PSMG2: variants seen among roughly 807,000 people sequenced by gnomAD.
The protein encoded by PSMG2 is proteasome assembly chaperone 2.
In PSMG2, 21 loss-of-function variants were observed where a neutral mutation model predicts 31.5. The observed-to-expected ratio is 0.67, with a 90% CI of 0.47 to 0.96. The LOEUF (loss-of-function observed/expected upper bound fraction) is 0.96. PSMG2 is among the 40% of genes least tolerant of loss of function. The probability of loss-of-function intolerance (pLI) is 0.00; values close to 1 mark genes in which losing one functional copy is unlikely to be tolerated. For synonymous variants in PSMG2, 120 were observed against 110.4 expected (o/e 1.09, Z -0.54); for missense variants, 318 against 321.2 (o/e 0.99, Z 0.08).
intron 6 of PSMG2, among the ~76,000 whole-genome samples, 163 bp from the exon 7 acceptor site, chr18:12,725,276 C>T (rs573750764): frequency 3.6e-4 from 55 of 152,180 alleles, no homozygotes; most frequent in African/African-American, 1.1e-3. Context: ...AATTTATCTT[C>T]AGTTGACATG....
upstream of PSMG2, chr18:12,698,956 G>A (rs528412194): frequency 1.4e-6 from 2 of 1,471,244 alleles, no homozygotes; most frequent in East Asian, 2.3e-5. Flanking sequence ...TCAATTAAAT[G>A]ACAATTTATT....
At chr18:12,714,262 A>G (rs2040356779) in intron 3 of PSMG2, among the ~76,000 whole-genome samples, 1 of 152,174 alleles carries the variant, frequency 6.6e-6, no homozygotes, top group Non-Finnish European at 1.5e-5. Flanking sequence ...CAGCATAACA[A>G]GAGTCATGCT....
chr18:12,720,893 C>T (rs1011878983), intron 5 of PSMG2, among the ~76,000 whole-genome samples: 13 of 152,150 alleles, frequency 8.5e-5, no homozygotes, highest in African/African-American at 2.2e-4. Context: ...AGGCCGGGCA[C>T]GGTGGCTCAC....
chr18:12,661,427 C>A, intron 1 of PSMG2: 1 of 863,300 alleles, frequency 1.2e-6, no homozygotes, highest in Non-Finnish European at 1.4e-6. Context: ...GGAGTTCTAG[C>A]ACCCCTGTGG....
At chr18:12,711,703 C>T (rs886499895) in intron 2 of PSMG2, among the ~76,000 whole-genome samples, 1 of 151,008 alleles carries the variant, frequency 6.6e-6, no homozygotes, top group African/African-American at 2.4e-5. Context: ...AGTAGTAATC[C>T]TGTGTCCTTA....
chr18:12,721,568 T>G (rs913597746), intron 5 of PSMG2, among the ~76,000 whole-genome samples: 1 of 152,212 alleles, frequency 6.6e-6, no homozygotes, highest in Non-Finnish European at 1.5e-5. Flanking sequence ...AAAATTGGTG[T>G]TGATGTTCCC....
At position 12,720,536 on chromosome 18, in the gene PSMG2, C is replaced by A; in HGVS notation, c.434C>A (p.Pro145His). The change falls in exon 5 of 7, where the codon CCT (proline) becomes CAT (histidine). Residue 145 changes from proline to histidine, a missense_variant. Transcript: ENST00000317615. ...RSTPFRYLLTPSMQKSVQNKI... is the reference protein window; with the variant it reads ...RSTPFRYLLTHSMQKSVQNKI... Reference sequence around the variant, plus strand: ...ACTCCCTTCCGGTACCTACTTACACCTTCCATGCAAAAAAGTGTTCAAAAT... The same window carrying A: ...ACTCCCTTCCGGTACCTACTTACACATTCCATGCAAAAAAGTGTTCAAAAT... 6.2e-7 allele frequency: 1 copy of A among 1,610,080 alleles called. No individual in the cohort carries two copies. The highest frequency in any genetic ancestry group is 1.1e-5 in the South Asian group (1 of 90,500).
intron 1 of PSMG2, chr18:12,680,596 CAAAAAAAAA>C (rs34861312): frequency 2.7e-6 from 2 of 752,954 alleles, no homozygotes; most frequent in Non-Finnish European, 3.6e-6. Flanking sequence ...GACTCCATCT[CAAAAAAAAA>C]AAAAAAAAAA....
intron 3 of PSMG2, among the ~76,000 whole-genome samples, chr18:12,713,668 C>A (rs534182890): frequency 1.3e-5 from 2 of 152,310 alleles, no homozygotes; most frequent in Non-Finnish European, 2.9e-5. Context: ...TTGGTTCCAA[C>A]CAATTTCAGC....
intron 3 of PSMG2, among the ~76,000 whole-genome samples, chr18:12,717,720 T>C (rs1243756472): frequency 6.6e-6 from 1 of 152,230 alleles, no homozygotes; most frequent in Non-Finnish European, 1.5e-5. Flanking sequence ...TTAGTTGTTA[T>C]CCTTCAGAGT....
chr18:12,696,645 T>G (rs1048587218), intron 1 of PSMG2, among the ~76,000 whole-genome samples: 3 of 152,188 alleles, frequency 2.0e-5, no homozygotes, highest in Non-Finnish European at 4.4e-5. Context: ...GTTTTCTCAT[T>G]TTATTAGCAA....
chr18:12,679,241 G>C (rs970860272), intron 1 of PSMG2: 1 of 152,236 alleles, frequency 6.6e-6, no homozygotes, highest in African/African-American at 2.4e-5. Flanking sequence ...AGACAGCCAG[G>C]TGGAAAGGGG....
In PSMG2 at chr18:12,725,483, T is replaced by A. The variant is rs765355921; in HGVS notation, c.747T>A (p.Ser249Arg). The change falls in exon 7 of 7, where the codon AGT (serine) becomes AGA (arginine). Residue 249 changes from serine to arginine, a missense_variant. Physicochemically the swap from Ser to Arg is moderately radical, Grantham distance 110. Transcript: ENST00000317615. Reference sequence around the variant, plus strand: ...CTGCCTCACGGTGGAAAATACCAAGTTCTTGGAGATTACTCTTTGGCAGTG... The same window carrying A: ...CTGCCTCACGGTGGAAAATACCAAGATCTTGGAGATTACTCTTTGGCAGTG... ...TVSASRWKIP[S>R]SWRLLFGSGL... 1.2e-6 allele frequency: 2 copies of A among 1,607,610 alleles called. No individual in the cohort carries two copies. Among genetic ancestry groups the A allele is most frequent in the Admixed American group, 1.7e-5 (1 of 59,912 alleles).
At position 12,682,698 on chromosome 18, in the gene PSMG2, G is replaced by A. The variant is rs572178968; in HGVS notation, c.-36-23852G>A. Among the ~76,000 whole-genome samples the A allele has an allele frequency of 5.9e-5, 9 of 151,910 alleles. No individual in the cohort carries two copies. The South Asian group carries it at 1.7e-3, about 28-fold the overall frequency. On this transcript the variant is annotated intron_variant, in intron 1 of 6. Coordinates refer to the PSMG2 transcript ENST00000585331. The stretch of plus-strand genomic sequence containing the variant: ...GGCTGGAATGCAGTGGCATGACCTC[G>A]GCTCACTACAACCTCCTCCTCCCGG...
rs772924378 is a variant in PSMG2, at chr18:12,678,365, A to G, written c.-37+19592A>G. 1.2e-6 allele frequency: 2 copies of G among 1,613,944 alleles called. No homozygotes were observed. The highest frequency in any genetic ancestry group is 1.7e-5 in the Admixed American group (1 of 59,990). ...CATCTGATGGTTGAAAACACAACCA[A>G]TTGTTCGATATGGGTACAGTGGTTT... On this transcript the variant is annotated intron_variant, in intron 1 of 6. Coordinates refer to the PSMG2 transcript ENST00000585331.
At chr18:12,659,298 A>C (rs2038646401) in intron 1 of PSMG2, among the ~76,000 whole-genome samples, 1 of 152,230 alleles carries the variant, frequency 6.6e-6, no homozygotes, top group Admixed American at 6.5e-5. Flanking sequence ...CAGTCTATTA[A>C]AATGAGATAC....
chr18:12,695,192 A>T, intron 1 of PSMG2: 1 of 615,624 alleles, frequency 1.6e-6, no homozygotes, highest in Non-Finnish European at 2.7e-6. Flanking sequence ...TCTAGGATCA[A>T]CAGGTAAATA....
At chr18:12,712,498 G>A (rs565056941) in intron 2 of PSMG2, among the ~76,000 whole-genome samples, 1 of 152,252 alleles carries the variant, frequency 6.6e-6, no homozygotes, top group South Asian at 2.1e-4. Flanking sequence ...AAATGAATCT[G>A]TTCCATAGAA....
intron 1 of PSMG2, among the ~76,000 whole-genome samples, chr18:12,682,162 C>CT (rs754403028): frequency 1.1e-4 from 16 of 149,626 alleles, no homozygotes; most frequent in South Asian, 4.3e-4. Flanking sequence ...GAAGAAATTT[C>CT]TTTTTTTTTT....
Sources: allele counts gnomAD v4.1 joint callset (sites outside exome capture counted in the v4.1 genomes callset), GRCh38; gene constraint gnomAD v4.1.1; transcripts MANE v1.5; gene names NCBI Gene and HGNC (gene_info 2026-07-23, HGNC 2026-07-21).